Variants in C1orf21 observed in about 807,000 individuals in gnomAD.
The protein encoded by C1orf21 is uncharacterized protein C1orf21.
Under a neutral mutation model 18.7 loss-of-function variants are expected in C1orf21, and 3 were observed. That is an observed-to-expected ratio of 0.16 (90% confidence interval 0.07 to 0.42). The LOEUF (loss-of-function observed/expected upper bound fraction) is 0.42, where lower values mean the gene tolerates loss of function less well. Among genes scored for constraint, C1orf21 ranks in the 10% least tolerant of loss-of-function variants. The pLI, the probability that C1orf21 is intolerant of heterozygous loss-of-function variation, is 0.99. For synonymous variants in C1orf21, 41 were observed against 46.4 expected (o/e 0.88, Z 0.47); for missense variants, 104 against 143.6 (o/e 0.72, Z 1.41).
In C1orf21 at chr1:184,504,513, C is replaced by T. The variant is rs192460297; in HGVS notation, c.95-3075C>T. Among the ~76,000 whole-genome samples the T allele has an allele frequency of 9.2e-5, 14 of 152,190 alleles. No homozygotes were observed. In the East Asian group the frequency reaches 9.6e-4, roughly 10 times the overall value. On this transcript the variant is annotated intron_variant, in intron 2 of 5. Transcript: ENST00000235307. The stretch of plus-strand genomic sequence containing the variant: ...CGTAACCCAAAATGCTTCATTCATT[C>T]GCTCAGAGGCTGGTTGGTGAGGTAG...
chr1:184,556,352 C>T (rs1658879296), intron 3 of C1orf21, among the ~76,000 whole-genome samples: 1 of 152,126 alleles, frequency 6.6e-6, no homozygotes, highest in Admixed American at 6.5e-5. Flanking sequence ...TTCTTGCTTC[C>T]AGAGCAAAAA....
intron 1 of C1orf21, among the ~76,000 whole-genome samples, chr1:184,416,022 G>GT (rs35553854): frequency 0.44 from 67,141 of 151,936 alleles, 19,049 homozygotes; most frequent in African/African-American, 0.82. Context: ...TAACATGTAA[G>GT]AACAGTCCTA....
intron 3 of C1orf21, among the ~76,000 whole-genome samples, chr1:184,532,318 T>C (rs942734312): frequency 5.3e-5 from 8 of 152,200 alleles, no homozygotes; most frequent in African/African-American, 1.9e-4. Context: ...AGATGAGATA[T>C]GGAAAGCACC....
chr1:184,477,806 G>A (rs757488193), intron 2 of C1orf21, among the ~76,000 whole-genome samples: 1 of 152,126 alleles, frequency 6.6e-6, no homozygotes, highest in African/African-American at 2.4e-5. Flanking sequence ...ATTTCAAAAC[G>A]TATCTTTGAG....
chr1:184,446,787 T>G (rs1657036268), intron 1 of C1orf21, among the ~76,000 whole-genome samples: 1 of 151,216 alleles, frequency 6.6e-6, no homozygotes, highest in African/African-American at 2.4e-5. Flanking sequence ...ATTTGATGAT[T>G]TTAAGGACTT....
At chr1:184,391,290 T>C (rs1252754678) in intron 1 of C1orf21, among the ~76,000 whole-genome samples, 2 of 152,222 alleles carry the variant, frequency 1.3e-5, no homozygotes, top group East Asian at 3.8e-4. Context: ...CTAGAAAATG[T>C]ATTTCCCAGG....
chr1:184,609,377 C>T lies in C1orf21; in HGVS notation c.328-10141C>T, dbSNP rs564247007. The stretch of plus-strand genomic sequence containing the variant: ...ATGTGTGATTAGTCTCCCCAAACCT[C>T]CATCCAAGTTCAACATAAATTCTAG... On this transcript the variant is annotated intron_variant, in intron 5 of 5. Transcript: ENST00000235307. Among the ~76,000 whole-genome samples, 33 of 152,348 alleles carry T rather than the reference C, an allele frequency of 2.2e-4. No homozygotes were observed. The South Asian group carries it at 3.5e-3, about 16-fold the overall frequency.
chr1:184,545,660 T>A (rs1658717960), intron 3 of C1orf21, among the ~76,000 whole-genome samples: 1 of 152,200 alleles, frequency 6.6e-6, no homozygotes, highest in African/African-American at 2.4e-5. Flanking sequence ...TTTCCTGTTG[T>A]GCAGTGCACT....
chr1:184,537,686 C>T (rs749143942), intron 3 of C1orf21, among the ~76,000 whole-genome samples: 2 of 151,962 alleles, frequency 1.3e-5, no homozygotes, highest in Admixed American at 6.6e-5. Flanking sequence ...GTCTCACTCT[C>T]CTTGCCCAGG....
At chr1:184,422,711 C>G (rs1183589295) in intron 1 of C1orf21, among the ~76,000 whole-genome samples, 2 of 152,188 alleles carry the variant, frequency 1.3e-5, no homozygotes, top group Non-Finnish European at 2.9e-5. Context: ...TTTCCTGTCT[C>G]CTCAGTTTGA....
intron 1 of C1orf21, among the ~76,000 whole-genome samples, chr1:184,410,695 G>A (rs1362843367): frequency 3.9e-5 from 3 of 76,860 alleles, no homozygotes; most frequent in African/African-American, 1.4e-4. Flanking sequence ...ATGGAGTTTC[G>A]CTCCTGTTGC....
rs138093951 is a variant in C1orf21 at position 184,557,353 on chromosome 1, G to A, written c.190-33386G>A. Among the ~76,000 whole-genome samples, 831 of 152,054 alleles carry A rather than the reference G, an allele frequency of 5.5e-3. 7 individuals are homozygous for A. The highest frequency in any genetic ancestry group is 0.016 in the African/African-American group (680 of 41,428). On this transcript the variant is annotated intron_variant, in intron 3 of 5. Coordinates refer to ENST00000235307, the MANE Select transcript of C1orf21 (RefSeq NM_030806.4). The stretch of plus-strand genomic sequence containing the variant: ...TGAGATTTTGGTGCACCCATCACCC[G>A]AGCAGTGTACACTGTACCCATTGTG...
intron 2 of C1orf21, among the ~76,000 whole-genome samples, chr1:184,502,764 A>C (rs1279275038): frequency 1.3e-5 from 2 of 152,126 alleles, no homozygotes; most frequent in African/African-American, 4.8e-5. Context: ...ACTTTTAACA[A>C]ATCATATTTT....
intron 3 of C1orf21, among the ~76,000 whole-genome samples, chr1:184,527,753 G>GAGC (rs1658399262): frequency 6.6e-6 from 1 of 152,136 alleles, no homozygotes; most frequent in Non-Finnish European, 1.5e-5. Flanking sequence ...TAACCTCTCT[G>GAGC]AGCCCAACTT....
chr1:184,437,138 G>A (rs1202362169), intron 1 of C1orf21, among the ~76,000 whole-genome samples: 1 of 152,072 alleles, frequency 6.6e-6, no homozygotes, highest in Non-Finnish European at 1.5e-5. Context: ...TGAGATGTTT[G>A]AATCTCACCA....
At chr1:184,454,726 A>G (rs1009663183) in intron 1 of C1orf21, among the ~76,000 whole-genome samples, 19 of 151,950 alleles carry the variant, frequency 1.3e-4, no homozygotes, top group African/African-American at 4.4e-4. Flanking sequence ...GCCATCTACC[A>G]TAGTTGTAAG....
chr1:184,475,310 G>A (rs34579903), intron 1 of C1orf21, among the ~76,000 whole-genome samples: 11,792 of 152,018 alleles, frequency 0.078, 552 homozygotes, highest in African/African-American at 0.12. Flanking sequence ...GGCCCTTCAC[G>A]AAGTATCAGC....
At chr1:184,436,270 C>T (rs996567049) in intron 1 of C1orf21, among the ~76,000 whole-genome samples, 2 of 151,986 alleles carry the variant, frequency 1.3e-5, no homozygotes, top group African/African-American at 4.8e-5. Context: ...ATTATTGGGG[C>T]GATGGAGTAG....
At chr1:184,619,397 G>A (rs1659881317) in intron 5 of C1orf21, 121 bp from the exon 6 acceptor site, 3 of 1,085,796 alleles carry the variant, frequency 2.8e-6, no homozygotes, top group East Asian at 2.5e-5. Context: ...AGCTATCACT[G>A]ACAAAGCCTG....
Sources: gnomAD v4.1 joint callset for allele counts (sites outside exome capture counted in the v4.1 genomes callset) on GRCh38, gnomAD v4.1.1 for gene constraint, MANE v1.5 for transcripts, NCBI Gene and HGNC (gene_info 2026-07-23, HGNC 2026-07-21) for gene names.